The following CREB3L2 variants were observed in gnomAD, a reference collection of about 807,000 sequenced individuals.
CREB3L2 encodes the protein cyclic AMP-responsive element-binding protein 3-like protein 2.
CREB3L2 carries 23 observed loss-of-function variants against 57.2 expected under a neutral mutation model. The ratio of observed to expected loss-of-function variants is 0.40; its 90% confidence interval spans 0.29 to 0.57. The LOEUF (loss-of-function observed/expected upper bound fraction) is 0.57. Ranked by LOEUF, CREB3L2 falls within the 20% of genes least tolerant of loss-of-function variation. The pLI, the probability that CREB3L2 is intolerant of heterozygous loss-of-function variation, is 0.42. For synonymous variants in CREB3L2, 268 were observed against 265.1 expected, an observed-to-expected ratio of 1.01 and a Z score of -0.11; for missense variants, 628 against 634.7, an observed-to-expected ratio of 0.99 and a Z score of 0.11.
intron 1 of CREB3L2, among the ~76,000 whole-genome samples, chr7:137,931,451 G>A (rs1398487527): frequency 6.6e-6 from 1 of 151,568 alleles, no homozygotes; most frequent in Admixed American, 6.6e-5. Context: ...GAACCCAGGA[G>A]GCGGAGCTTG....
chr7:137,910,691 A>G (rs1329709732), intron 4 of CREB3L2, among the ~76,000 whole-genome samples: 1 of 152,130 alleles, frequency 6.6e-6, no homozygotes, highest in Non-Finnish European at 1.5e-5. Context: ...TAGGGGCCAA[A>G]TTATTCTAAT....
At chr7:137,904,442 G>A (rs1173692226) in intron 6 of CREB3L2, among the ~76,000 whole-genome samples, 1 of 152,334 alleles carries the variant, frequency 6.6e-6, no homozygotes, top group Middle Eastern at 3.4e-3. Context: ...AAGGCGGGTA[G>A]ATCACCTGAG....
chr7:137,896,744 A>C (rs979028235), intron 8 of CREB3L2, among the ~76,000 whole-genome samples: 2 of 152,222 alleles, frequency 1.3e-5, no homozygotes, highest in Non-Finnish European at 2.9e-5. Context: ...TGGGAGAAGA[A>C]GACACACAGA....
At chr7:137,911,753 G>A (rs533023751) in intron 4 of CREB3L2, among the ~76,000 whole-genome samples, 8 of 152,258 alleles carry the variant, frequency 5.3e-5, no homozygotes, top group East Asian at 1.9e-4. Context: ...TGGGAGAATC[G>A]CTTGAACCCA....
At chr7:137,948,526 T>A (rs58918747) in intron 1 of CREB3L2, among the ~76,000 whole-genome samples, 1,750 of 152,278 alleles carry the variant, frequency 0.011, 27 homozygotes, top group African/African-American at 0.04. Flanking sequence ...AATTTCTCAC[T>A]ATTAGACTGT....
At chr7:137,961,197 G>T (rs1182201323) in intron 1 of CREB3L2, among the ~76,000 whole-genome samples, 1 of 113,606 alleles carries the variant, frequency 8.8e-6, no homozygotes, top group Non-Finnish European at 1.7e-5. Context: ...TATAAACTGG[G>T]GGGTGGGGGG....
chr7:137,944,498 T>C (rs1800933480), intron 1 of CREB3L2, among the ~76,000 whole-genome samples: 1 of 152,202 alleles, frequency 6.6e-6, no homozygotes, highest in African/African-American at 2.4e-5. Flanking sequence ...CAGCAAGCAC[T>C]GAATCAATGA....
chr7:137,976,612 C>G (rs1159987607), intron 1 of CREB3L2, among the ~76,000 whole-genome samples: 1 of 152,228 alleles, frequency 6.6e-6, no homozygotes, highest in African/African-American at 2.4e-5. Flanking sequence ...ATTCATCCAT[C>G]ACCCCACTTT....
chr7:137,913,250 T>C (rs1469441854), intron 3 of CREB3L2, among the ~76,000 whole-genome samples, 172 bp from the exon 4 acceptor site: 1 of 152,108 alleles, frequency 6.6e-6, no homozygotes, highest in Non-Finnish European at 1.5e-5. Flanking sequence ...TTCTTAACCT[T>C]TTTCTCATTG....
intron 1 of CREB3L2, chr7:137,953,485 G>T: frequency 2.3e-6 from 3 of 1,289,092 alleles, no homozygotes; most frequent in Non-Finnish European, 3.0e-6. Flanking sequence ...TTTAAAAAGC[G>T]TCAACCATCC....
intron 1 of CREB3L2, among the ~76,000 whole-genome samples, chr7:137,951,729 C>A (rs1487165892): frequency 2.0e-5 from 3 of 152,182 alleles, no homozygotes; most frequent in Admixed American, 2.0e-4. Flanking sequence ...ATGCCTGTAA[C>A]CCCTGCACTC....
In CREB3L2 at chr7:137,901,310, C is replaced by A; in HGVS notation, c.1043+44G>T. The A allele has an allele frequency of 2.5e-6, 3 of 1,202,582 alleles. No individual in the cohort carries two copies. In the South Asian group the frequency reaches 3.7e-5, roughly 15 times the overall value. The allele number at this position is 1,202,582 out of a possible 1,614,324, so 74.5% of individuals were successfully genotyped here. ...GGATTCTATCCTCTTCCTTCCCCAT[C>A]TTCCATTGGTAGCGCAATCAGCTCT... On this transcript the variant is annotated intron_variant, in intron 8 of 11. Coordinates refer to ENST00000330387, the MANE Select transcript of CREB3L2 (RefSeq NM_194071.4).
intron 1 of CREB3L2, among the ~76,000 whole-genome samples, chr7:137,999,006 T>C (rs1802034285): frequency 6.6e-6 from 1 of 152,164 alleles, no homozygotes; most frequent in African/African-American, 2.4e-5. Context: ...ACTTGGAAAG[T>C]TTTATGAAAT....
At chr7:137,958,668 C>A (rs1801264087) in intron 1 of CREB3L2, among the ~76,000 whole-genome samples, 1 of 152,206 alleles carries the variant, frequency 6.6e-6, no homozygotes, top group Non-Finnish European at 1.5e-5. Flanking sequence ...TTTAAGAAAT[C>A]CAGTGAGTTA....
chr7:137,948,624 A>T (rs1255171277), intron 1 of CREB3L2, among the ~76,000 whole-genome samples: 1 of 152,200 alleles, frequency 6.6e-6, no homozygotes. Context: ...AGCATTTAAG[A>T]GGATCATCTT....
chr7:137,997,340 A>C (rs556291436), intron 1 of CREB3L2, among the ~76,000 whole-genome samples: 1 of 152,344 alleles, frequency 6.6e-6, no homozygotes, highest in Admixed American at 6.5e-5. Flanking sequence ...TTTCCCAAAA[A>C]TTATCCACTT....
intron 11 of CREB3L2, among the ~76,000 whole-genome samples, chr7:137,881,526 C>T (rs1386802473): frequency 2.0e-5 from 3 of 152,150 alleles, no homozygotes; most frequent in African/African-American, 7.2e-5. Flanking sequence ...ATAGTAAGTG[C>T]TAGTAAATGT....
intron 3 of CREB3L2, among the ~76,000 whole-genome samples, chr7:137,915,617 A>C (rs1361056923): frequency 6.6e-6 from 1 of 152,180 alleles, no homozygotes; most frequent in African/African-American, 2.4e-5. Context: ...AAATCAGCTT[A>C]GCTACTAATT....
At chr7:137,907,639 A>T (rs747479694) in intron 5 of CREB3L2, among the ~76,000 whole-genome samples, 10 of 152,242 alleles carry the variant, frequency 6.6e-5, no homozygotes, top group Non-Finnish European at 1.2e-4. Context: ...TATAATTTTT[A>T]AAATTTCATA....
Sources: allele counts gnomAD v4.1 joint callset (sites outside exome capture counted in the v4.1 genomes callset), GRCh38; gene constraint gnomAD v4.1.1; transcripts MANE v1.5; gene names NCBI Gene and HGNC (gene_info 2026-07-23, HGNC 2026-07-21).